Variants in PTPN14 observed in about 807,000 individuals in gnomAD.
PTPN14 encodes tyrosine-protein phosphatase non-receptor type 14.
In PTPN14, 53 loss-of-function variants were observed where a neutral mutation model predicts 126.8. The ratio of observed to expected loss-of-function variants is 0.42; its 90% CI spans 0.34 to 0.53. The LOEUF (loss-of-function observed/expected upper bound fraction) is 0.53. Among genes scored for constraint, PTPN14 ranks in the 20% least tolerant of loss-of-function variants. The pLI is 0.08. For missense variants in PTPN14, 1,257 were observed against 1,552.9 expected (o/e 0.81, Z 3.20); for synonymous variants, 630 against 599.3 (o/e 1.05, Z -0.75).
intron 15 of PTPN14, among the ~76,000 whole-genome samples, chr1:214,373,387 T>C (rs981453779): frequency 6.6e-6 from 1 of 152,186 alleles, no homozygotes; most frequent in Non-Finnish European, 1.5e-5. Context: ...TCACAGTATA[T>C]GCAAACTAGT....
At chr1:214,372,451 T>C (rs1417111630) in intron 16 of PTPN14, 3 of 436,288 alleles carry the variant, frequency 6.9e-6, no homozygotes, top group Non-Finnish European at 4.1e-6. Flanking sequence ...ATTTTCAGTT[T>C]AGTGCATTAC....
intron 13 of PTPN14, among the ~76,000 whole-genome samples, chr1:214,378,462 CAG>C (rs766806451): frequency 2.4e-4 from 36 of 152,214 alleles, no homozygotes; most frequent in Non-Finnish European, 4.3e-4. Flanking sequence ...AAAAGAGAAA[CAG>C]GGTTATATGA....
rs972256931 is a variant in PTPN14 at position 214,383,658 on chromosome 1, A to C, written c.2197T>G (p.Tyr733Asp). The C allele has an allele frequency of 1.4e-5, 23 of 1,613,036 alleles. No homozygotes were observed. The highest frequency in any genetic ancestry group is 1.9e-5 in the Non-Finnish European group (23 of 1,179,956). ...QIPMLREKME[Y>D]SAQLQAALAR... ...AGGGCCGCCTGCAGCTGGGCACTGT[A>C]CTCCATCTTCTCCCGGAGCATGGGG... is the stretch of plus-strand genomic sequence containing the variant. The change falls in exon 13 of 19, where the codon TAC (tyrosine) becomes GAC (aspartate). Residue 733 changes from tyrosine to aspartate, a missense_variant. Tyr to Asp is a radical substitution (Grantham distance 160, BLOSUM62 -3). Coordinates refer to ENST00000366956, the MANE Select transcript of PTPN14 (RefSeq NM_005401.5). This position sits in a 1 kb window ranked among gnomAD's most constrained non-coding sequence, Gnocchi z 4.4.
chr1:214,471,082 T>A (rs1402542193), intron 1 of PTPN14, among the ~76,000 whole-genome samples: 1 of 151,362 alleles, frequency 6.6e-6, no homozygotes, highest in Non-Finnish European at 1.5e-5. Context: ...TAAATCTTTT[T>A]TTTTTTTTTA....
At chr1:214,533,801 C>T (rs1655624360) in intron 1 of PTPN14, among the ~76,000 whole-genome samples, 1 of 147,066 alleles carries the variant, frequency 6.8e-6, no homozygotes, top group Non-Finnish European at 1.5e-5. Flanking sequence ...TGTCCCACTG[C>T]ACTCCAGCCT....
rs1309376282 is a variant in PTPN14, at chr1:214,384,078, T to C, written c.1777A>G (p.Ser593Gly). Residue 593 changes from serine (S) to glycine (G), a missense_variant, in exon 13 of 19, where the codon AGC becomes GGC. Coordinates refer to ENST00000366956, the MANE Select transcript of PTPN14 (RefSeq NM_005401.5). This position sits in a 1 kb window ranked among gnomAD's most constrained non-coding sequence, Gnocchi z 5.3. ...TTCCGGGTCACCAGGTCCGGGCTGCTGCCGCTGACGTACTTGTGGCGGTGG... is the reference window on the plus strand; with the variant it reads ...TTCCGGGTCACCAGGTCCGGGCTGCCGCCGCTGACGTACTTGTGGCGGTGG... ...ASHRHKYVSG[S>G]SPDLVTRKVQ... 5 of 1,575,176 alleles carry C rather than the reference T, an allele frequency of 3.2e-6. No individual in the cohort carries two copies. The East Asian group carries it at 9.0e-5, about 28-fold the overall frequency.
Position 214,351,759 on chromosome 1 carries a change from C to T in PTPN14, c.*6163G>A. The T allele has an allele frequency of 6.6e-6, 1 of 152,226 alleles. No individual in the cohort carries two copies. The highest frequency in any genetic ancestry group is 1.9e-4 in the East Asian group (1 of 5,198). The allele number at this position is 152,226 out of a possible 1,614,324, so 9.4% of individuals were successfully genotyped here. ...AAACTATGAGCTAGGGTGAAATAGA[C>T]TCCAACACTGCTGCAGGCTTTCCCT... On this transcript the variant is annotated 3_prime_UTR_variant, in exon 19 of 19. Coordinates refer to ENST00000366956, the MANE Select transcript of PTPN14 (RefSeq NM_005401.5).
chr1:214,452,044 G>T, intron 2 of PTPN14, 70 bp from the exon 3 acceptor site: 1 of 1,510,984 alleles, frequency 6.6e-7, no homozygotes, highest in South Asian at 1.3e-5. Flanking sequence ...CAAGAAACGA[G>T]ACTCCAGCAT....
chr1:214,519,742 T>C (rs897029355), intron 1 of PTPN14, among the ~76,000 whole-genome samples: 2 of 152,038 alleles, frequency 1.3e-5, no homozygotes, highest in African/African-American at 2.4e-5. Context: ...CCCCATGAAA[T>C]CTTTTATTCA....
chr1:214,530,076 C>A (rs576020055), intron 1 of PTPN14: 54 of 152,216 alleles, frequency 3.5e-4, no homozygotes, highest in African/African-American at 1.3e-3. Flanking sequence ...TAGTCTCAGG[C>A]CTTCTTAGGT....
intron 2 of PTPN14, among the ~76,000 whole-genome samples, chr1:214,452,816 C>T (rs1184920286): frequency 1.3e-5 from 2 of 152,184 alleles, no homozygotes; most frequent in Non-Finnish European, 2.9e-5. Context: ...AAAAATAGAT[C>T]ACTGCTTTTG....
At chr1:214,358,100 T>C (rs773540432) in intron 18 of PTPN14, 50 bp from the exon 19 acceptor site, 4 of 1,597,968 alleles carry the variant, frequency 2.5e-6, no homozygotes, top group Admixed American at 3.4e-5. Flanking sequence ...AGGCTTCCCT[T>C]TGAGCATTCC....
intron 13 of PTPN14, among the ~76,000 whole-genome samples, chr1:214,378,503 C>G (rs1401568813): frequency 6.6e-6 from 1 of 152,192 alleles, no homozygotes; most frequent in African/African-American, 2.4e-5. Context: ...AGTGACGGAC[C>G]TTCTGCACAG....
rs146640564 is a variant in PTPN14, at chr1:214,350,533, CTTTTTTTTTTTTTTTT to C, written c.*7373_*7388del. 1.8e-5 allele frequency: 1 copy of C among 56,990 alleles called. No individual in the cohort carries two copies. The highest frequency in any genetic ancestry group is 3.1e-5 in the Non-Finnish European group (1 of 32,136). 3.5% of individuals were successfully genotyped at this position (56,990 alleles called of 1,614,324 possible). A position where few individuals can be genotyped will look rare whatever the true frequency, so the allele number is the denominator to read the frequency against. Reference sequence around the variant, plus strand: ...TTCTGGTTATTTTCATCCGCCAGATCTTTTTTTTTTTTTTTTTTTTTTTTTGAGACAAAGTCTCACT... The same window carrying C: ...TTCTGGTTATTTTCATCCGCCAGATCTTTTTTTTTGAGACAAAGTCTCACT... On this transcript the variant is annotated 3_prime_UTR_variant, in exon 19 of 19. Coordinates refer to ENST00000366956, the MANE Select transcript of PTPN14 (RefSeq NM_005401.5).
intron 2 of PTPN14, among the ~76,000 whole-genome samples, chr1:214,454,035 G>A (rs1660329517): frequency 6.6e-6 from 1 of 152,150 alleles, no homozygotes; most frequent in Non-Finnish European, 1.5e-5. Flanking sequence ...GCATTATACT[G>A]AATTCCTGTA....
At chr1:214,406,355 G>A (rs1295530391) in intron 5 of PTPN14, among the ~76,000 whole-genome samples, 2 of 151,982 alleles carry the variant, frequency 1.3e-5, no homozygotes, top group African/African-American at 4.8e-5. Context: ...GCACATGCCT[G>A]TTGTCACAGG....
At chr1:214,407,510 A>T (rs1489433569) in intron 5 of PTPN14, among the ~76,000 whole-genome samples, 3 of 151,964 alleles carry the variant, frequency 2.0e-5, no homozygotes, top group Admixed American at 6.6e-5. Context: ...AAAAAAAAAA[A>T]GAATGAATGG....
At chr1:214,521,748 C>A (rs529990219) in intron 1 of PTPN14, among the ~76,000 whole-genome samples, 2 of 151,004 alleles carry the variant, frequency 1.3e-5, no homozygotes, top group East Asian at 3.9e-4. Context: ...CACACACGAA[C>A]AAAAGAACTA....
At chr1:214,387,007 C>A in intron 11 of PTPN14, 85 bp from the exon 12 acceptor site, 1 of 1,276,250 alleles carries the variant, frequency 7.8e-7, no homozygotes, top group South Asian at 1.3e-5. Flanking sequence ...ACACGGCAGT[C>A]CCGCCACGTT....
Sources: gnomAD v4.1 joint callset for allele counts (sites outside exome capture counted in the v4.1 genomes callset) on GRCh38, gnomAD v4.1.1 for gene constraint, Gnocchi (gnomAD v3.1) non-coding constraint, MANE v1.5 for transcripts, NCBI Gene and HGNC (gene_info 2026-07-23, HGNC 2026-07-21) for gene names.